The following CNTNAP2 variants were observed in gnomAD, a reference collection of about 807,000 sequenced individuals.
CNTNAP2 encodes the protein contactin-associated protein-like 2.
A neutral mutation model predicts 155.2 loss-of-function variants in CNTNAP2; 98 were observed. That is an observed-to-expected ratio of 0.63 (90% CI 0.54 to 0.75). The LOEUF is 0.75. Ranked by LOEUF, CNTNAP2 falls within the 30% of genes least tolerant of loss-of-function variation. The probability of loss-of-function intolerance (pLI) is 0.00; values close to 1 mark genes in which losing one functional copy is unlikely to be tolerated. For missense variants in CNTNAP2, 1,727 were observed against 1,688.1 expected (o/e 1.02, Z -0.40); for synonymous variants, 651 against 631.2 (o/e 1.03, Z -0.47).
chr7:146,657,194 C>A (rs1800010132), intron 1 of CNTNAP2, among the ~76,000 whole-genome samples: 1 of 152,138 alleles, frequency 6.6e-6, no homozygotes, highest in Admixed American at 6.6e-5. Context: ...AAAAACTGTT[C>A]CTTAACTAAT....
chr7:147,870,785 A>G (rs1799313899), intron 13 of CNTNAP2, among the ~76,000 whole-genome samples: 1 of 152,160 alleles, frequency 6.6e-6, no homozygotes, highest in Admixed American at 6.5e-5. Flanking sequence ...ATGGAACATA[A>G]GGAGGATGGG....
intron 1 of CNTNAP2, among the ~76,000 whole-genome samples, chr7:146,767,187 T>C (rs1802210532): frequency 6.6e-6 from 1 of 152,182 alleles, no homozygotes; most frequent in South Asian, 2.1e-4. Context: ...CTCAATGCAA[T>C]TTTATGACCT....
At chr7:146,855,240 T>G (rs2129203892) in intron 3 of CNTNAP2, among the ~76,000 whole-genome samples, 1 of 152,240 alleles carries the variant, frequency 6.6e-6, no homozygotes, top group Non-Finnish European at 1.5e-5. Context: ...GATGAGCATG[T>G]CCAATAGAAC....
At chr7:147,684,379 C>T (rs1170848305) in intron 13 of CNTNAP2, among the ~76,000 whole-genome samples, 1 of 151,618 alleles carries the variant, frequency 6.6e-6, no homozygotes, top group Non-Finnish European at 1.5e-5. Context: ...TATTAAAGCC[C>T]CTACAAGGAA....
chr7:148,064,880 T>C (rs932304185), intron 15 of CNTNAP2, among the ~76,000 whole-genome samples: 1 of 152,158 alleles, frequency 6.6e-6, no homozygotes, highest in African/African-American at 2.4e-5. Flanking sequence ...GGTTTTACCT[T>C]ACATTGTCTG....
At chr7:147,066,189 C>T (rs945133429) in intron 4 of CNTNAP2, among the ~76,000 whole-genome samples, 3 of 152,178 alleles carry the variant, frequency 2.0e-5, no homozygotes, top group Admixed American at 6.5e-5. Flanking sequence ...TTCTCAATGA[C>T]CCTAACAGTT....
intron 14 of CNTNAP2, among the ~76,000 whole-genome samples, chr7:147,915,667 G>GT (rs1800146227): frequency 6.9e-6 from 1 of 144,414 alleles, no homozygotes; most frequent in Non-Finnish European, 1.5e-5. Flanking sequence ...TTTTCATTAA[G>GT]TTAAGCTTTG....
At chr7:148,084,154 A>C (rs1803671884) in intron 15 of CNTNAP2, among the ~76,000 whole-genome samples, 1 of 152,234 alleles carries the variant, frequency 6.6e-6, no homozygotes, top group Admixed American at 6.5e-5. Context: ...GAATTCTCAC[A>C]GGACTGTGGC....
At chr7:146,664,464 T>C (rs1417657029) in intron 1 of CNTNAP2, among the ~76,000 whole-genome samples, 1 of 152,058 alleles carries the variant, frequency 6.6e-6, no homozygotes, top group Non-Finnish European at 1.5e-5. Flanking sequence ...CCCAGCCCCA[T>C]GGATTGGTTT....
intron 1 of CNTNAP2, among the ~76,000 whole-genome samples, chr7:146,359,645 G>C (rs1187403478): frequency 1.3e-5 from 2 of 152,024 alleles, no homozygotes; most frequent in Non-Finnish European, 2.9e-5. Flanking sequence ...TCACTATTTT[G>C]CTAAAATATT....
chr7:147,905,475 T>C (rs188359641), intron 14 of CNTNAP2, among the ~76,000 whole-genome samples: 212 of 152,344 alleles, frequency 1.4e-3, no homozygotes, highest in African/African-American at 4.9e-3. Flanking sequence ...TGGAACATGG[T>C]ATTTGTCCTC....
intron 8 of CNTNAP2, among the ~76,000 whole-genome samples, chr7:147,295,408 ATGTC>A: frequency 6.6e-6 from 1 of 152,264 alleles, no homozygotes; most frequent in African/African-American, 2.4e-5. Flanking sequence ...AGAACCAACT[ATGTC>A]TGAGTTCAAA....
At chr7:147,714,834 G>A (rs1042970000) in intron 13 of CNTNAP2, among the ~76,000 whole-genome samples, 1 of 150,960 alleles carries the variant, frequency 6.6e-6, no homozygotes, top group Non-Finnish European at 1.5e-5. Context: ...CTTATTTACA[G>A]CGGAATCTAC....
chr7:146,172,563 G>A (rs1798411045), intron 1 of CNTNAP2, among the ~76,000 whole-genome samples: 1 of 151,878 alleles, frequency 6.6e-6, no homozygotes, highest in Admixed American at 6.6e-5. Flanking sequence ...TCAGATTAAT[G>A]ATTCTGACTA....
In CNTNAP2 at chr7:146,423,593, A is replaced by T. The variant is rs144799037; in HGVS notation, c.97+306620A>T. Reference sequence around the variant, plus strand: ...GCAGCCACCTGCTTTTCTGCTCCCCAAAGGGGAAAACTAGTGACAGTAACA... The same window carrying T: ...GCAGCCACCTGCTTTTCTGCTCCCCTAAGGGGAAAACTAGTGACAGTAACA... On this transcript the variant is annotated intron_variant, in intron 1 of 23. Transcript: ENST00000361727. Among the ~76,000 whole-genome samples, 12 of 152,294 alleles carry T rather than the reference A, an allele frequency of 7.9e-5. No homozygotes were observed. The East Asian group carries it at 2.1e-3, about 27-fold the overall frequency.
intron 3 of CNTNAP2, among the ~76,000 whole-genome samples, chr7:146,927,537 A>C (rs1796631903): frequency 6.6e-6 from 1 of 152,162 alleles, no homozygotes; most frequent in Admixed American, 6.6e-5. Flanking sequence ...TGTAAATACA[A>C]TATACAATTT....
intron 1 of CNTNAP2, among the ~76,000 whole-genome samples, chr7:146,297,047 A>G (rs1449022174): frequency 6.6e-6 from 1 of 151,898 alleles, no homozygotes; most frequent in Non-Finnish European, 1.5e-5. Context: ...CTTTAATATT[A>G]CTTTTCAAGA....
chr7:147,852,338 G>T (rs1430104717), intron 13 of CNTNAP2, among the ~76,000 whole-genome samples: 4 of 152,076 alleles, frequency 2.6e-5, no homozygotes, highest in Non-Finnish European at 4.4e-5. Context: ...TGAATGAAAA[G>T]TTTTCTGTAT....
chr7:147,528,930 C>G (rs533602871), intron 11 of CNTNAP2, among the ~76,000 whole-genome samples: 34 of 152,266 alleles, frequency 2.2e-4, no homozygotes, highest in African/African-American at 7.7e-4. Flanking sequence ...ACAGTAGCCA[C>G]TGGGCAACCA....
Sources: allele counts gnomAD v4.1 joint callset (sites outside exome capture counted in the v4.1 genomes callset), GRCh38; gene constraint gnomAD v4.1.1; transcripts MANE v1.5; gene names NCBI Gene and HGNC (gene_info 2026-07-23, HGNC 2026-07-21).